PIBF1: variants seen among roughly 807,000 people sequenced by gnomAD.
The protein encoded by PIBF1 is progesterone immunomodulatory binding factor 1, also known as progesterone-induced-blocking factor 1.
PIBF1 carries 90 observed loss-of-function variants against 112.5 expected under a neutral mutation model. That is an observed-to-expected ratio of 0.80 (90% CI 0.67 to 0.95). The LOEUF (loss-of-function observed/expected upper bound fraction) is 0.95. Among genes scored for constraint, PIBF1 ranks in the 40% least tolerant of loss-of-function variants. The pLI is 0.00. For missense variants in PIBF1, 915 were observed against 852.3 expected, an observed-to-expected ratio of 1.07 and a Z score of -0.92; for synonymous variants, 301 against 288.6, an observed-to-expected ratio of 1.04 and a Z score of -0.44.
rs527850461 is a variant in PIBF1 at position 72,791,655 on chromosome 13, C to T, written c.253-792C>T. Among the ~76,000 whole-genome samples the T allele has an allele frequency of 6.0e-5, 9 of 150,508 alleles. No individual in the cohort carries two copies. In the Middle Eastern group the frequency reaches 0.01, roughly 172 times the overall value. On this transcript the variant is annotated intron_variant, in intron 2 of 17. Transcript: ENST00000326291. ...GAAAATAATTTTTTTTTTTTTGAGA[C>T]GGAGTCTCGCTCTGTCTCCCAGGCT...
At chr13:72,862,655 T>C (rs2138377424) in intron 10 of PIBF1, among the ~76,000 whole-genome samples, 1 of 152,330 alleles carries the variant, frequency 6.6e-6, no homozygotes, top group East Asian at 1.9e-4. Flanking sequence ...GAGTAGCAGT[T>C]ATTTGAAATA....
At chr13:73,010,237 T>TG (rs938794563) in intron 17 of PIBF1, among the ~76,000 whole-genome samples, 13 of 151,228 alleles carry the variant, frequency 8.6e-5, no homozygotes, top group African/African-American at 2.4e-5. Flanking sequence ...TAGTTTTTTT[T>TG]TTTTTTTTTT....
chr13:72,840,643 C>A (rs2037569093), intron 9 of PIBF1, among the ~76,000 whole-genome samples: 1 of 151,846 alleles, frequency 6.6e-6, no homozygotes, highest in Non-Finnish European at 1.5e-5. Context: ...CCTGTCTCAG[C>A]CTTCTGAGTA....
chr13:72,896,722 C>T (rs918637915), intron 11 of PIBF1, among the ~76,000 whole-genome samples: 1 of 151,942 alleles, frequency 6.6e-6, no homozygotes, highest in Non-Finnish European at 1.5e-5. Context: ...ACAAGGTCTT[C>T]GAATTAACCC....
chr13:73,010,706 A>G (rs961420423), intron 17 of PIBF1, among the ~76,000 whole-genome samples: 1 of 151,650 alleles, frequency 6.6e-6, no homozygotes, highest in Non-Finnish European at 1.5e-5. Flanking sequence ...CAGTCACCCA[A>G]ATCTATCTGA....
intron 16 of PIBF1, among the ~76,000 whole-genome samples, chr13:72,986,489 G>A (rs2043290842): frequency 6.6e-6 from 1 of 151,994 alleles, no homozygotes; most frequent in African/African-American, 2.4e-5. Context: ...TTCTTATCTG[G>A]ATCACTGTTG....
intron 10 of PIBF1, among the ~76,000 whole-genome samples, chr13:72,880,284 A>G (rs983114140): frequency 1.3e-5 from 2 of 152,220 alleles, no homozygotes; most frequent in Non-Finnish European, 1.5e-5. Context: ...CAATATTTTA[A>G]AGTATTAGAA....
At chr13:72,899,768 G>T (rs1466363878) in intron 11 of PIBF1, among the ~76,000 whole-genome samples, 1 of 152,072 alleles carries the variant, frequency 6.6e-6, no homozygotes, top group Non-Finnish European at 1.5e-5. Context: ...AATCAAACAA[G>T]AGAAAGAAAT....
chr13:72,990,755 G>A (rs1177586492), intron 16 of PIBF1, among the ~76,000 whole-genome samples: 1 of 151,530 alleles, frequency 6.6e-6, no homozygotes, highest in Non-Finnish European at 1.5e-5. Flanking sequence ...GACTGAGGTA[G>A]GAGAATCGTT....
chr13:72,914,590 T>C (rs963032644), intron 12 of PIBF1, among the ~76,000 whole-genome samples: 1 of 152,152 alleles, frequency 6.6e-6, no homozygotes, highest in Admixed American at 6.5e-5. Flanking sequence ...AGGCTAGTAA[T>C]TTCTATAGTT....
At chr13:72,971,053 A>C (rs933905429) in intron 15 of PIBF1, among the ~76,000 whole-genome samples, 5 of 152,150 alleles carry the variant, frequency 3.3e-5, no homozygotes, top group African/African-American at 1.2e-4. Context: ...ATTTTTGAAA[A>C]GTTAAAACAC....
chr13:73,007,021 G>A (rs1037820696), intron 17 of PIBF1, among the ~76,000 whole-genome samples: 3 of 150,734 alleles, frequency 2.0e-5, no homozygotes, highest in South Asian at 2.1e-4. Flanking sequence ...TATATATAAT[G>A]TGTATGTAAA....
intron 14 of PIBF1, among the ~76,000 whole-genome samples, chr13:72,938,241 C>T (rs1478207729): frequency 2.6e-5 from 4 of 151,892 alleles, no homozygotes; most frequent in Admixed American, 6.6e-5. Context: ...TTAAAGTATA[C>T]GATTTAGTAG....
intron 17 of PIBF1, among the ~76,000 whole-genome samples, chr13:73,009,944 C>T (rs988325495): frequency 2.0e-5 from 3 of 152,130 alleles, no homozygotes; most frequent in Non-Finnish European, 4.4e-5. Flanking sequence ...ATTAAGATTC[C>T]TTTTTAATGC....
intron 17 of PIBF1, 34 bp downstream of exon 17, chr13:72,999,029 A>G (rs1303884442): frequency 2.3e-6 from 3 of 1,325,614 alleles, no homozygotes; most frequent in Non-Finnish European, 3.2e-6. Flanking sequence ...TAATTTTAAT[A>G]TTCCTGATTC....
intron 14 of PIBF1, among the ~76,000 whole-genome samples, chr13:72,955,781 C>G (rs2042428765): frequency 6.6e-6 from 1 of 152,092 alleles, no homozygotes; most frequent in Non-Finnish European, 1.5e-5. Context: ...TCTTTCATTC[C>G]CACTAAATTT....
intron 14 of PIBF1, among the ~76,000 whole-genome samples, chr13:72,938,708 A>G (rs546095521): frequency 6.6e-6 from 1 of 152,338 alleles, no homozygotes; most frequent in Admixed American, 6.5e-5. Flanking sequence ...TCAAGATGAA[A>G]TGGTAATTCT....
At chr13:72,983,335 A>G (rs1021527158) in intron 16 of PIBF1, among the ~76,000 whole-genome samples, 1 of 152,172 alleles carries the variant, frequency 6.6e-6, no homozygotes, top group Non-Finnish European at 1.5e-5. Flanking sequence ...GACCTGGGAT[A>G]TCTTCTATCC....
intron 14 of PIBF1, among the ~76,000 whole-genome samples, chr13:72,955,363 A>C (rs2042415131): frequency 6.7e-6 from 1 of 148,382 alleles, no homozygotes; most frequent in Non-Finnish European, 1.5e-5. Flanking sequence ...GGTCATATAA[A>C]TGTGTGTGTT....
Sources: allele counts gnomAD v4.1 joint callset (sites outside exome capture counted in the v4.1 genomes callset), GRCh38; gene constraint gnomAD v4.1.1; transcripts MANE v1.5; gene names NCBI Gene and HGNC (gene_info 2026-07-23, HGNC 2026-07-21).